ZNF638: variants seen among roughly 807,000 people sequenced by gnomAD.
ZNF638 encodes CTCL tumor antigen se33-1.
A neutral mutation model predicts 195.6 loss-of-function variants in ZNF638; 46 were observed. That is an observed-to-expected ratio of 0.24 (90% CI 0.19 to 0.30). The LOEUF is 0.30. Among genes scored for constraint, ZNF638 ranks in the 10% least tolerant of loss-of-function variants. The pLI, the probability that ZNF638 is intolerant of heterozygous loss-of-function variation, is 1.00. For synonymous variants in ZNF638, 845 were observed against 772.0 expected (o/e 1.09, Z -1.57); for missense variants, 2,440 against 2,325.3 (o/e 1.05, Z -1.01).
Position 71,405,587 on chromosome 2 carries a change from T to C in ZNF638, c.2959-14T>C, listed in dbSNP as rs769633756. On this transcript the variant is annotated splice_polypyrimidine_tract_variant and intron_variant, in intron 17 of 27. Transcript: ENST00000264447. ...AGCTTATACCATCAACCTTTATCTA[T>C]TTTTGCTTTTTAGGAAGCTATATTT... 6 of 1,537,832 alleles carry C rather than the reference T, an allele frequency of 3.9e-6. No individual in the cohort carries two copies. The South Asian group carries it at 6.0e-5, about 15-fold the overall frequency.
intron 1 of ZNF638, among the ~76,000 whole-genome samples, chr2:71,332,522 T>C (rs1184698483): frequency 6.6e-6 from 1 of 152,188 alleles, no homozygotes; most frequent in Non-Finnish European, 1.5e-5. Flanking sequence ...ATATCACCTC[T>C]GTGGGAGACT....
chr2:71,370,427 A>G (rs886688768), intron 8 of ZNF638, among the ~76,000 whole-genome samples: 15 of 152,178 alleles, frequency 9.9e-5, no homozygotes, highest in African/African-American at 3.4e-4. Flanking sequence ...AAAATCGTAT[A>G]GTGTACATTC....
At chr2:71,348,590 A>C in intron 1 of ZNF638, 163 bp from the exon 2 acceptor site, 1 of 1,199,596 alleles carries the variant, frequency 8.3e-7, no homozygotes, top group Non-Finnish European at 1.1e-6. Flanking sequence ...AAGAAGAGAA[A>C]GTTTTTGGGA....
At chr2:71,345,955 G>A (rs1198032905) in intron 1 of ZNF638, among the ~76,000 whole-genome samples, 1 of 152,144 alleles carries the variant, frequency 6.6e-6, no homozygotes, top group African/African-American at 2.4e-5. Flanking sequence ...GTTTGTCAGG[G>A]GCAGTTGTCT....
intron 15 of ZNF638, 67 bp downstream of exon 15, chr2:71,400,585 T>G (rs1274266392): frequency 1.4e-5 from 19 of 1,359,304 alleles, no homozygotes; most frequent in Non-Finnish European, 1.9e-5. Context: ...ATTTTTCTTA[T>G]AAACCCAGGT....
intron 24 of ZNF638, among the ~76,000 whole-genome samples, chr2:71,427,967 G>A (rs956517726): frequency 6.6e-6 from 1 of 152,132 alleles, no homozygotes; most frequent in African/African-American, 2.4e-5. Context: ...CGAGGTGGGA[G>A]GATCGCTTGA....
At chr2:71,406,089 G>C (rs371912723) in intron 18 of ZNF638, 39 bp from the exon 19 acceptor site, 148 of 1,608,428 alleles carry the variant, frequency 9.2e-5, no homozygotes, top group Non-Finnish European at 1.2e-4. Context: ...TGTTGCTTCA[G>C]CTGTGGTTTT....
At chr2:71,372,617 A>T (rs1007961396) in intron 8 of ZNF638, among the ~76,000 whole-genome samples, 1 of 152,124 alleles carries the variant, frequency 6.6e-6, no homozygotes, top group Admixed American at 6.5e-5. Flanking sequence ...TGCTCACTTG[A>T]TATTTGGTTC....
At chr2:71,394,453 T>C (rs181082029) in intron 10 of ZNF638, among the ~76,000 whole-genome samples, 7 of 152,330 alleles carry the variant, frequency 4.6e-5, no homozygotes, top group Non-Finnish European at 7.3e-5. Flanking sequence ...GTTTTTCTTA[T>C]GGGAACCAGT....
chr2:71,336,590 A>T (rs1047877924), intron 1 of ZNF638, among the ~76,000 whole-genome samples: 1 of 152,212 alleles, frequency 6.6e-6, no homozygotes, highest in Admixed American at 6.5e-5. Context: ...CACCTGTTGC[A>T]TGTCAGGATT....
chr2:71,427,486 G>T, intron 24 of ZNF638, 72 bp downstream of exon 24: 1 of 1,152,930 alleles, frequency 8.7e-7, no homozygotes. Context: ...TAAAATACAT[G>T]TTGTGGCATT....
At chr2:71,408,054 G>A in intron 19 of ZNF638, 68 bp from the exon 20 acceptor site, 1 of 1,459,866 alleles carries the variant, frequency 6.8e-7, no homozygotes, top group Non-Finnish European at 9.3e-7. Flanking sequence ...GGAATTGTTG[G>A]ATTATGTGGT....
chr2:71,345,475 T>G (rs910691072), intron 1 of ZNF638, among the ~76,000 whole-genome samples: 1 of 152,156 alleles, frequency 6.6e-6, no homozygotes, highest in Non-Finnish European at 1.5e-5. Flanking sequence ...CAGTGCAGCC[T>G]TGACATCCTG....
At chr2:71,355,445 A>G (rs1467937354) in intron 2 of ZNF638, among the ~76,000 whole-genome samples, 4 of 152,100 alleles carry the variant, frequency 2.6e-5, no homozygotes, top group Non-Finnish European at 4.4e-5. Flanking sequence ...AAGTTTATAT[A>G]TTGATTTCAA....
In ZNF638 at chr2:71,428,634, C is replaced by T. The variant is rs760882379; in HGVS notation, c.5633C>T (p.Ala1878Val). ...VVTEPAKGEEAFQMSEVDEES... is the reference protein window; with the variant it reads ...VVTEPAKGEEVFQMSEVDEES... ...ACAGAACCAGCAAAAGGTGAAGAGG[C>T]CTTCCAGATGAGTGAAGGTAAAGCA... The change falls in exon 25 of 28, where the codon GCC becomes GTC. Residue 1878 changes from alanine to valine, a missense_variant. Around this residue, in one of 5 missense-constraint regions of ZNF638, gnomAD observed 1,883 missense variants for 1,739.1 expected, o/e 1.08. Coordinates refer to ENST00000264447, the MANE Select transcript of ZNF638 (RefSeq NM_014497.5). 3 of 1,613,484 alleles carry T rather than the reference C, an allele frequency of 1.9e-6. No homozygotes were observed. Among genetic ancestry groups the T allele is most frequent in the South Asian group, 2.2e-5 (2 of 91,060 alleles).
rs764599687 is a variant in ZNF638 at position 71,363,186 on chromosome 2, G to A, written c.1413G>A (p.Ser471=). The A allele has an allele frequency of 3.2e-5, 51 of 1,586,978 alleles. No homozygotes were observed. The East Asian group carries it at 7.6e-4, about 24-fold the overall frequency. Residue 471 remains serine (S), a synonymous_variant, in exon 4 of 28, where the codon TCG becomes TCA. Transcript: ENST00000264447. ...YPDWNPEILP[S]RRNEGNRKEN... is the part of the protein sequence containing the mutation. ...ATTGGAATCCTGAGATCCTCCCATC[G>A]AGAAGGTAATTTTTAAAAATAGTAA...
chr2:71,404,066 T>G, intron 17 of ZNF638, 68 bp downstream of exon 17: 1 of 1,484,822 alleles, frequency 6.7e-7, no homozygotes, highest in East Asian at 2.4e-5. Context: ...CAGTCTGTTA[T>G]GTTTTCTAGT....
intron 20 of ZNF638, among the ~76,000 whole-genome samples, chr2:71,416,934 G>A (rs1395648933): frequency 6.6e-6 from 1 of 151,506 alleles, no homozygotes; most frequent in Non-Finnish European, 1.5e-5. Context: ...CTTTTTGTTT[G>A]TCTGTGCCCT....
chr2:71,380,897 A>G (rs1225677512), intron 10 of ZNF638: 5 of 178,670 alleles, frequency 2.8e-5, no homozygotes, highest in African/African-American at 1.2e-4. Context: ...CACAAAACAT[A>G]AGAAAGGTAT....
Sources: allele counts gnomAD v4.1 joint callset (sites outside exome capture counted in the v4.1 genomes callset), GRCh38; gene constraint gnomAD v4.1.1; regional missense constraint gnomAD v4.1.1; transcripts MANE v1.5; gene names NCBI Gene and HGNC (gene_info 2026-07-23, HGNC 2026-07-21).